Variants in ESRRG observed in about 807,000 individuals in gnomAD.
ESRRG encodes estrogen-related receptor gamma.
A neutral mutation model predicts 44.0 loss-of-function variants in ESRRG; 13 were observed. That is an observed-to-expected ratio of 0.30 (90% CI 0.19 to 0.47). The LOEUF is 0.47. Ranked by LOEUF, ESRRG falls within the 20% of genes least tolerant of loss-of-function variation. The pLI, the probability that ESRRG is intolerant of heterozygous loss-of-function variation, is 1.00. For missense variants in ESRRG, 395 were observed against 580.6 expected (o/e 0.68, Z 3.29); for synonymous variants, 215 against 214.6 (o/e 1.00, Z -0.02).
At chr1:217,090,171 C>T (rs1282113944), upstream of ESRRG, among the ~76,000 whole-genome samples, 1 of 152,082 alleles carries the variant, frequency 6.6e-6, no homozygotes, top group Admixed American at 6.5e-5. Context: ...CTGCCGCCGC[C>T]GCAGCCGCTG....
intron 2 of ESRRG, among the ~76,000 whole-genome samples, chr1:216,664,988 G>A (rs547755686): frequency 2.0e-4 from 31 of 152,260 alleles, no homozygotes; most frequent in African/African-American, 7.5e-4. Context: ...TGTCAGCCAA[G>A]AGAGGAATGC....
chr1:217,003,661 T>C (rs1290203331), intron 1 of ESRRG, among the ~76,000 whole-genome samples: 2 of 149,180 alleles, frequency 1.3e-5, no homozygotes, highest in Non-Finnish European at 1.5e-5. Flanking sequence ...GTATTTACAA[T>C]CAGTAATTCA....
intron 1 of ESRRG, among the ~76,000 whole-genome samples, chr1:217,048,741 C>A (rs913463986): frequency 5.9e-5 from 9 of 152,136 alleles, no homozygotes. Flanking sequence ...TCAGAACTTA[C>A]GAGGAAAATC....
At chr1:216,985,506 T>G (rs1342551541) in intron 1 of ESRRG, among the ~76,000 whole-genome samples, 1 of 152,220 alleles carries the variant, frequency 6.6e-6, no homozygotes, top group Admixed American at 6.5e-5. Flanking sequence ...TGGACTAATC[T>G]TCCCCATCTC....
intron 1 of ESRRG, among the ~76,000 whole-genome samples, chr1:216,950,915 A>G (rs2066852086): frequency 6.6e-6 from 1 of 152,220 alleles, no homozygotes; most frequent in African/African-American, 2.4e-5. Flanking sequence ...GTTTAAAATT[A>G]GTGGTCACAT....
chr1:217,114,145 G>GAAAC (rs2092692316), intron 1 of ESRRG, among the ~76,000 whole-genome samples: 2 of 152,010 alleles, frequency 1.3e-5, no homozygotes, highest in Non-Finnish European at 2.9e-5. Flanking sequence ...ATTACTGTTA[G>GAAAC]TTTGATATAT....
At chr1:216,857,029 T>C (rs2149051382) in intron 2 of ESRRG, among the ~76,000 whole-genome samples, 1 of 152,304 alleles carries the variant, frequency 6.6e-6, no homozygotes, top group South Asian at 2.1e-4. Context: ...ATTGTCTTGC[T>C]GCACCGGTCT....
intron 2 of ESRRG, among the ~76,000 whole-genome samples, chr1:216,847,286 C>G (rs1316758312): frequency 1.3e-5 from 2 of 152,134 alleles, no homozygotes; most frequent in Non-Finnish European, 2.9e-5. Context: ...CACTATAAAT[C>G]TGCTCTAACA....
At chr1:216,951,224 C>A (rs2066896007) in intron 1 of ESRRG, among the ~76,000 whole-genome samples, 1 of 152,126 alleles carries the variant, frequency 6.6e-6, no homozygotes, top group South Asian at 2.1e-4. Flanking sequence ...ATACTTTGAA[C>A]AATATTAGTA....
At chr1:216,571,383 C>T (rs557486995) in intron 3 of ESRRG, among the ~76,000 whole-genome samples, 1 of 152,184 alleles carries the variant, frequency 6.6e-6, no homozygotes, top group East Asian at 1.9e-4. Context: ...GCAGAGGTTG[C>T]AGTGAACCAA....
chr1:216,583,472 G>A (rs1460902211), intron 3 of ESRRG, among the ~76,000 whole-genome samples: 2 of 152,198 alleles, frequency 1.3e-5, no homozygotes, highest in African/African-American at 2.4e-5. Flanking sequence ...GAATCCCCTT[G>A]GAAGTTGTCA....
intron 1 of ESRRG, among the ~76,000 whole-genome samples, chr1:217,089,291 G>A (rs1025823462): frequency 2.6e-5 from 4 of 151,598 alleles, no homozygotes; most frequent in African/African-American, 9.7e-5. Flanking sequence ...TCACAGTTTT[G>A]CAGTCATGGT....
intron 1 of ESRRG, among the ~76,000 whole-genome samples, chr1:216,716,831 C>T (rs1370199469): frequency 6.6e-6 from 1 of 151,794 alleles, no homozygotes; most frequent in African/African-American, 2.4e-5. Flanking sequence ...TCCATATAGC[C>T]ATAGGTTGTA....
At chr1:217,037,464 G>A (rs779479543) in intron 1 of ESRRG, among the ~76,000 whole-genome samples, 4 of 152,106 alleles carry the variant, frequency 2.6e-5, no homozygotes, top group African/African-American at 4.8e-5. Context: ...CAGATCACAT[G>A]AGACCCACTC....
upstream of ESRRG, among the ~76,000 whole-genome samples, chr1:216,726,065 T>C (rs1398669114): frequency 1.3e-5 from 2 of 152,184 alleles, no homozygotes; most frequent in Non-Finnish European, 2.9e-5. Flanking sequence ...TAAAGATATT[T>C]AGACTCATGC....
intron 1 of ESRRG, among the ~76,000 whole-genome samples, chr1:217,043,648 A>G (rs1348286541): frequency 5.9e-4 from 1 of 1,698 alleles, no homozygotes; most frequent in Non-Finnish European, 1.0e-3. Context: ...GGCAAAGAAT[A>G]ATGGGGATTT....
chr1:216,547,107 G>A (rs566561388), intron 5 of ESRRG, among the ~76,000 whole-genome samples: 14 of 152,016 alleles, frequency 9.2e-5, no homozygotes, highest in Admixed American at 5.9e-4. Context: ...GTTTGACTTC[G>A]TTAAACTTCA....
At chr1:216,909,919 C>T (rs2060117881) in intron 2 of ESRRG, among the ~76,000 whole-genome samples, 1 of 151,910 alleles carries the variant, frequency 6.6e-6, no homozygotes, top group Non-Finnish European at 1.5e-5. Flanking sequence ...ACAAAAGAAC[C>T]CAGAAACATG....
chr1:217,084,653 TA>T (rs566684687), intron 1 of ESRRG, among the ~76,000 whole-genome samples: 9 of 152,206 alleles, frequency 5.9e-5, no homozygotes, highest in Admixed American at 3.3e-4. Context: ...TTGTCCAAGT[TA>T]AAAAAAATTT....
Sources: allele counts gnomAD v4.1 joint callset (sites outside exome capture counted in the v4.1 genomes callset), GRCh38; gene constraint gnomAD v4.1.1; transcripts MANE v1.5; gene names NCBI Gene and HGNC (gene_info 2026-07-23, HGNC 2026-07-21).